Variants in BPIFA3 observed in about 807,000 individuals in gnomAD.
BPIFA3 encodes the protein BPI fold-containing family A member 3.
A neutral mutation model predicts 29.7 loss-of-function variants in BPIFA3; 32 were observed. The ratio of observed to expected loss-of-function variants is 1.08; its 90% CI spans 0.81 to 1.45. The LOEUF is 1.45. BPIFA3 is among the 40% of genes most tolerant of loss of function. The pLI is 0.00. For synonymous variants in BPIFA3, 112 were observed against 113.7 expected (o/e 0.98, Z 0.10); for missense variants, 323 against 311.3 (o/e 1.04, Z -0.28).
chr20:33,220,189 G>A (rs1353485498), intron 1 of BPIFA3, among the ~76,000 whole-genome samples: 1 of 151,818 alleles, frequency 6.6e-6, no homozygotes, highest in Non-Finnish European at 1.5e-5. Flanking sequence ...ACAAGGTCAG[G>A]AGATCGAGAC....
At chr20:33,226,893 C>CGAT (rs1568625731) in intron 5 of BPIFA3, 37 bp from the exon 6 acceptor site, 1 of 1,613,644 alleles carries the variant, frequency 6.2e-7, no homozygotes, top group Non-Finnish European at 8.5e-7. Flanking sequence ...CTTTTCCAGC[C>CGAT]CCTGGCCTGA....
intron 2 of BPIFA3, 152 bp from the exon 3 acceptor site, chr20:33,224,203 A>G (rs376133413): frequency 6.3e-6 from 5 of 790,750 alleles, no homozygotes; most frequent in East Asian, 2.7e-5. Context: ...CCCGCACCTG[A>G]CTCTTGCCCT....
chr20:33,227,069 C>A (rs1016553809), intron 6 of BPIFA3, 76 bp downstream of exon 6: 3 of 1,362,084 alleles, frequency 2.2e-6, no homozygotes, highest in Non-Finnish European at 3.2e-6. Flanking sequence ...GGCCCTGGAG[C>A]CCCCAGGGAG....
At chr20:33,217,707 G>A in intron 1 of BPIFA3, 44 bp downstream of exon 1, 1 of 1,579,944 alleles carries the variant, frequency 6.3e-7, no homozygotes, top group Non-Finnish European at 8.6e-7. Flanking sequence ...CGGGGCTGGG[G>A]AGGTGGGAAG....
rs753148476 is a variant in BPIFA3, at chr20:33,225,254, C to A, written c.536+7C>A. 6.2e-7 allele frequency: 1 copy of A among 1,612,998 alleles called. No individual in the cohort carries two copies. Among genetic ancestry groups the A allele is most frequent in the Non-Finnish European group, 8.5e-7 (1 of 1,179,948 alleles). ...ATGTGGCCATCCTCACTGAGTAAGA[C>A]CCCAGCTGCCCCTCCCCAGAGCTGG... On this transcript the variant is annotated splice_region_variant and intron_variant, in intron 4 of 6. Transcript: ENST00000375454.
At chr20:33,226,090 G>C (rs1985766249) in intron 4 of BPIFA3, 1 of 254,124 alleles carries the variant, frequency 3.9e-6, no homozygotes, top group African/African-American at 2.3e-5. Flanking sequence ...GACCTCAGTG[G>C]ATGTCTGTTC....
At chr20:33,224,918 C>T (rs1350375015) in intron 3 of BPIFA3, among the ~76,000 whole-genome samples, 180 bp from the exon 4 acceptor site, 1 of 152,188 alleles carries the variant, frequency 6.6e-6, no homozygotes, top group Non-Finnish European at 1.5e-5. Flanking sequence ...ACTCTGGCTA[C>T]AGCTGTTTTC....
rs1985638384 is a variant in BPIFA3, at chr20:33,223,809, A to G, written c.128-2A>G. 1.2e-6 allele frequency: 2 copies of G among 1,611,142 alleles called. No individual in the cohort carries two copies. The highest frequency in any genetic ancestry group is 2.2e-5 in the South Asian group (2 of 91,002). On this transcript the variant is annotated splice_acceptor_variant, in intron 1 of 6. Transcript: ENST00000375454. LOFTEE classifies it high-confidence loss of function. ...AAGTCAGTGGTCCTTGTGCATTTCC[A>G]GTTATTGCTCAGGGCCTCATAAAGC...
In BPIFA3 at chr20:33,217,517, A is replaced by C; in HGVS notation, c.-20A>C. ...CCAGGCCCCATCTGACACTCTTGAC[A>C]TCTGCAGGTCCCAGACCCTATGATG... On this transcript the variant is annotated 5_prime_UTR_variant, in exon 1 of 7. Coordinates refer to ENST00000375454, the MANE Select transcript of BPIFA3 (RefSeq NM_178466.5). 1 of 1,612,028 alleles carries C rather than the reference A, an allele frequency of 6.2e-7. No individual in the cohort carries two copies.
intron 4 of BPIFA3, 120 bp downstream of exon 4, chr20:33,225,367 A>T (rs535309541): frequency 3.5e-6 from 5 of 1,409,054 alleles, no homozygotes; most frequent in African/African-American, 1.4e-5. Flanking sequence ...TTCCCCCGGG[A>T]TCTGCTCCTC....
At chr20:33,226,637 T>A in intron 5 of BPIFA3, 147 bp downstream of exon 5, 1 of 708,218 alleles carries the variant, frequency 1.4e-6, no homozygotes, top group Non-Finnish European at 2.3e-6. Context: ...GGCCATGAGT[T>A]TTGCCAGCCT....
In BPIFA3 at chr20:33,217,611, T is replaced by A. The variant is rs1266408136; in HGVS notation, c.75T>A (p.Pro25=). The change falls in exon 1 of 7, where the codon CCT becomes CCA. Residue 25 remains proline (P), a synonymous_variant. Coordinates refer to ENST00000375454, the MANE Select transcript of BPIFA3 (RefSeq NM_178466.5). ...TGCCCTTGGCACCACACAAGCAGCC[T>A]TGGCCTGGCCTGGCCCAAGCCCACA... is the stretch of plus-strand genomic sequence containing the variant. The part of the protein sequence containing the change: ...LALPLAPHKQ[P]WPGLAQAHRD... 2 of 1,614,172 alleles carry A rather than the reference T, an allele frequency of 1.2e-6. No homozygotes were observed. Among genetic ancestry groups the A allele is most frequent in the African/African-American group, 1.3e-5 (1 of 75,058 alleles).
At chr20:33,225,474 A>C (rs746668271) in intron 4 of BPIFA3, 1 of 561,060 alleles carries the variant, frequency 1.8e-6, no homozygotes, top group East Asian at 3.0e-5. Flanking sequence ...AGTTCCCATC[A>C]ATGACTTGCT....
chr20:33,224,440 G>A lies in BPIFA3; in HGVS notation c.364G>A (p.Glu122Lys), dbSNP rs758126466. 6.2e-7 allele frequency: 1 copy of A among 1,613,704 alleles called. No homozygotes were observed. Among genetic ancestry groups the A allele is most frequent in the South Asian group, 1.1e-5 (1 of 91,068 alleles). ...GTGGTTCTCGGCAAATATCTCACTTGAATTTGACCTTGAATTGAGACCGTG... is the reference window on the plus strand; with the variant it reads ...GTGGTTCTCGGCAAATATCTCACTTAAATTTGACCTTGAATTGAGACCGTG... The part of the protein sequence containing the change: ...KEWFSANISL[E>K]FDLELRPSFD... Residue 122 changes from glutamate (E) to lysine (K), a missense_variant, in exon 3 of 7, where the codon GAA becomes AAA. Physicochemically the swap from Glu to Lys is moderately conservative, Grantham distance 56. Coordinates refer to ENST00000375454, the MANE Select transcript of BPIFA3 (RefSeq NM_178466.5).
chr20:33,225,706 C>G (rs1278688313), intron 4 of BPIFA3: 1 of 166,640 alleles, frequency 6.0e-6, no homozygotes, highest in Non-Finnish European at 1.3e-5. Context: ...CAGCAACTCC[C>G]AAATTTCACT....
At chr20:33,227,475 C>T (rs889913255) in intron 6 of BPIFA3, 63 bp from the exon 7 acceptor site, 15 of 1,377,774 alleles carry the variant, frequency 1.1e-5, no homozygotes, top group Middle Eastern at 1.8e-4. Flanking sequence ...TGAGGGTTTC[C>T]CTTCGGTGTG....
intron 1 of BPIFA3, among the ~76,000 whole-genome samples, chr20:33,219,703 G>GT (rs1371597543): frequency 6.6e-6 from 1 of 152,150 alleles, no homozygotes; most frequent in Non-Finnish European, 1.5e-5. Flanking sequence ...CTGTACATCT[G>GT]TTTTACACCA....
intron 5 of BPIFA3, 115 bp downstream of exon 5, chr20:33,226,605 T>A: frequency 1.2e-6 from 1 of 800,230 alleles, no homozygotes; most frequent in Admixed American, 2.8e-5. Flanking sequence ...GCTTGAAAAA[T>A]CTCAATTTAA....
At chr20:33,226,370 CTCTGT>C in intron 4 of BPIFA3, 31 bp from the exon 5 acceptor site, 1 of 1,473,334 alleles carries the variant, frequency 6.8e-7, no homozygotes, top group Non-Finnish European at 9.5e-7. Flanking sequence ...GCCTGGATTG[CTCTGT>C]TCTGTTCTGT....
Sources: allele counts gnomAD v4.1 joint callset (sites outside exome capture counted in the v4.1 genomes callset), GRCh38; gene constraint gnomAD v4.1.1; transcripts MANE v1.5; gene names NCBI Gene and HGNC (gene_info 2026-07-23, HGNC 2026-07-21).